Variants in HNRNPAB observed in about 807,000 individuals in gnomAD.
The protein encoded by HNRNPAB is heterogeneous nuclear ribonucleoprotein A/B.
Under a neutral mutation model 44.1 loss-of-function variants are expected in HNRNPAB, and 17 were observed. The ratio of observed to expected loss-of-function variants is 0.39; its 90% CI spans 0.26 to 0.58. The LOEUF is 0.58. HNRNPAB is among the 20% of genes least tolerant of loss of function. The pLI is 0.63. For synonymous variants in HNRNPAB, 183 were observed against 167.6 expected (o/e 1.09, Z -0.71); for missense variants, 393 against 432.7 (o/e 0.91, Z 0.81).
In HNRNPAB at chr5:178,207,691, C is replaced by CT. The variant is rs34424574; in HGVS notation, c.669+490dup. Among the ~76,000 whole-genome samples, 41 of 78,764 alleles carry CT rather than the reference C, an allele frequency of 5.2e-4. 1 individual carries two copies. The highest frequency in any genetic ancestry group is 1.4e-3 in the African/African-American group (26 of 18,736). 51.7% of individuals were successfully genotyped at this position (78,764 alleles called of 152,430 possible). A position where few individuals can be genotyped will look rare whatever the true frequency, so the allele number is the denominator to read the frequency against. On this transcript the variant is annotated intron_variant, in intron 5 of 7. Transcript: ENST00000358344. ...TGTCCACTTCCATCCACTTTGAGCACTTTTTTTTTTTTTTTTTTTTTTTTG... is the reference window on the plus strand; with the variant it reads ...TGTCCACTTCCATCCACTTTGAGCACTTTTTTTTTTTTTTTTTTTTTTTTTG...
In HNRNPAB at chr5:178,204,655, C is replaced by T. The variant is rs562226717; in HGVS notation, c.-109C>T. 6.0e-3 allele frequency: 1,834 copies of T among 305,276 alleles called. 27 individuals are homozygous for T. Among genetic ancestry groups the T allele is most frequent in the Non-Finnish European group, 5.6e-3 (936 of 168,406 alleles). The allele number at this position is 305,276 out of a possible 1,614,324, so 18.9% of individuals were successfully genotyped here. On this transcript the variant is annotated 5_prime_UTR_variant, in exon 1 of 8. Coordinates refer to ENST00000358344, the MANE Select transcript of HNRNPAB (RefSeq NM_031266.3). ...TGGGCTGACTGGGGCGAGGCCTCAG[C>T]AGCGCGAGCTTGAGTGCGGCCGAGC...
rs1369815614 is a variant in HNRNPAB at position 178,210,941 on chromosome 5, G to C, written c.*318G>C. The C allele has an allele frequency of 2.8e-6, 1 of 358,142 alleles. No individual in the cohort carries two copies. The allele number at this position is 358,142 out of a possible 1,614,324, so 22.2% of individuals were successfully genotyped here. A position where few individuals can be genotyped will look rare whatever the true frequency, so the allele number is the denominator to read the frequency against. On this transcript the variant is annotated 3_prime_UTR_variant, in exon 8 of 8. Transcript: ENST00000358344. ...GACCTGTGGACCCTGGTTGTAAAGA[G>C]TAAATTGTATCTTAGGAAACCAGTG...
rs778624895 is a variant in HNRNPAB, at chr5:178,209,425, C to T, written c.765C>T (p.Ser255=). ...RGNRNRGNRG[S]GGGGGGGGQS... Reference sequence around the variant, plus strand: ...ACCGCAACCGAGGGAACCGAGGCAGCGGAGGTGGTGGTGGAGGTGGAGGTG... The same window carrying T: ...ACCGCAACCGAGGGAACCGAGGCAGTGGAGGTGGTGGTGGAGGTGGAGGTG... Residue 255 remains serine, a synonymous_variant, in exon 6 of 8, where the codon AGC becomes AGT. Coordinates refer to ENST00000358344, the MANE Select transcript of HNRNPAB (RefSeq NM_031266.3). 92 of 1,613,896 alleles carry T rather than the reference C, an allele frequency of 5.7e-5. No individual in the cohort carries two copies. Among genetic ancestry groups the T allele is most frequent in the East Asian group, 1.1e-4 (5 of 44,886 alleles).
intron 6 of HNRNPAB, 65 bp from the exon 7 acceptor site, chr5:178,210,067 C>A: frequency 6.3e-7 from 1 of 1,585,886 alleles, no homozygotes; most frequent in Non-Finnish European, 8.6e-7. Context: ...GGCAGGATTT[C>A]CTCCATCCTA....
intron 6 of HNRNPAB, among the ~76,000 whole-genome samples, 179 bp from the exon 7 acceptor site, chr5:178,209,953 C>T (rs1020398728): frequency 1.3e-5 from 2 of 149,706 alleles, no homozygotes; most frequent in Non-Finnish European, 3.0e-5. Flanking sequence ...TGATCCTCTG[C>T]TTGGGTCTCT....
chr5:178,208,481 G>A (rs1226134831), intron 5 of HNRNPAB: 2 of 152,196 alleles, frequency 1.3e-5, no homozygotes, highest in African/African-American at 2.4e-5. Context: ...TGAGTCTTAG[G>A]AGTAAGTATA....
chr5:178,209,190 T>A, intron 5 of HNRNPAB, 140 bp from the exon 6 acceptor site: 1 of 722,306 alleles, frequency 1.4e-6, no homozygotes, highest in Non-Finnish European at 2.5e-6. Context: ...AGCCCAAAGG[T>A]GGCCTCCCAT....
At chr5:178,210,439 G>A in intron 7 of HNRNPAB, 114 bp from the exon 8 acceptor site, 4 of 1,510,458 alleles carry the variant, frequency 2.6e-6, no homozygotes, top group South Asian at 1.1e-5. Flanking sequence ...ATAACATGAG[G>A]AAGGCAGTCT....
Position 178,204,941 on chromosome 5 carries a change from G to C in HNRNPAB, c.104G>C (p.Gly35Ala). 2 of 1,210,462 alleles carry C rather than the reference G, an allele frequency of 1.7e-6. No individual in the cohort carries two copies. The highest frequency in any genetic ancestry group is 2.1e-6 in the Non-Finnish European group (2 of 974,274). The allele number at this position is 1,210,462 out of a possible 1,614,324, so 75.0% of individuals were successfully genotyped here. ...EGESPAGAGT[G>A]AAAGAGGATA... is the part of the protein sequence containing the mutation. ...GAGTCGCCGGCCGGGGCTGGCACGGGCGCCGCGGCGGGGGCTGGAGGCGCG... is the reference window on the plus strand; with the variant it reads ...GAGTCGCCGGCCGGGGCTGGCACGGCCGCCGCGGCGGGGGCTGGAGGCGCG... Residue 35 changes from glycine (G) to alanine (A), a missense_variant, in exon 2 of 8, where the codon GGC (glycine) becomes GCC (alanine). Gly to Ala is a moderately conservative substitution (Grantham distance 60). This residue lies in a region of HNRNPAB where 81 missense variants were observed against 73.4 expected (regional missense o/e 1.10). Transcript: ENST00000358344.
At chr5:178,206,684 G>A in intron 3 of HNRNPAB, 48 bp from the exon 4 acceptor site, 2 of 1,589,560 alleles carry the variant, frequency 1.3e-6, no homozygotes, top group East Asian at 2.2e-5. Flanking sequence ...GAAGGGCCTT[G>A]TCTGGCTCGT....
At chr5:178,205,639 C>A (rs934445198) in intron 2 of HNRNPAB, 5 of 551,814 alleles carry the variant, frequency 9.1e-6, no homozygotes, top group African/African-American at 7.5e-5. Flanking sequence ...CAGGCTGGGG[C>A]TGCAGAGCCT....
chr5:178,207,873 G>A (rs1276922822), intron 5 of HNRNPAB, among the ~76,000 whole-genome samples: 5 of 151,792 alleles, frequency 3.3e-5, no homozygotes, highest in Non-Finnish European at 7.4e-5. Context: ...TGGCTCATAT[G>A]TTTTTTTAAA....
At chr5:178,210,461 G>T (rs77755079) in intron 7 of HNRNPAB, 92 bp from the exon 8 acceptor site, 32 of 1,492,488 alleles carry the variant, frequency 2.1e-5, no homozygotes, top group Middle Eastern at 1.7e-4. Context: ...TGCTGTCACG[G>T]CTGGTGAGGG....
chr5:178,207,284 G>A lies in HNRNPAB; in HGVS notation c.669+59G>A, dbSNP rs1757109462. 2.5e-6 allele frequency: 4 copies of A among 1,600,984 alleles called. No individual in the cohort carries two copies. In the East Asian group the frequency reaches 8.9e-5, roughly 36 times the overall value. Reference sequence around the variant, plus strand: ...GCTGCTGGAGAGCTGGCCCTTAGAGGGATGGGTTAGGGGTTGGGCCTCATG... The same window carrying A: ...GCTGCTGGAGAGCTGGCCCTTAGAGAGATGGGTTAGGGGTTGGGCCTCATG... On this transcript the variant is annotated intron_variant, in intron 5 of 7. Coordinates refer to ENST00000358344, the MANE Select transcript of HNRNPAB (RefSeq NM_031266.3).
At position 178,205,316 on chromosome 5, in the gene HNRNPAB, G is replaced by GCGGATGGC. The variant is rs1316831582; in HGVS notation, c.209+272_209+279dup. Among the ~76,000 whole-genome samples, 15 of 151,694 alleles carry GCGGATGGC rather than the reference G, an allele frequency of 9.9e-5. No homozygotes were observed. The East Asian group carries it at 2.7e-3, about 28-fold the overall frequency. On this transcript the variant is annotated intron_variant, in intron 2 of 7. Transcript: ENST00000358344. ...AGGGCCGGAGCCGGCGCAGGGGCGG[G>GCGGATGGC]CGGATGGCCCGGAAGAGGGAAAGCG... is the stretch of plus-strand genomic sequence containing the variant.
chr5:178,209,425 C>A lies in HNRNPAB; in HGVS notation c.765C>A (p.Ser255Arg). 1 of 1,614,014 alleles carries A rather than the reference C, an allele frequency of 6.2e-7. No individual in the cohort carries two copies. Among genetic ancestry groups the A allele is most frequent in the Non-Finnish European group, 8.5e-7 (1 of 1,179,954 alleles). Residue 255 changes from serine (S) to arginine (R), a missense_variant, in exon 6 of 8, where the codon AGC becomes AGA. By Grantham distance (110) the Ser-to-Arg change is moderately radical (BLOSUM62 -1). Coordinates refer to ENST00000358344, the MANE Select transcript of HNRNPAB (RefSeq NM_031266.3). Reference sequence around the variant, plus strand: ...ACCGCAACCGAGGGAACCGAGGCAGCGGAGGTGGTGGTGGAGGTGGAGGTG... The same window carrying A: ...ACCGCAACCGAGGGAACCGAGGCAGAGGAGGTGGTGGTGGAGGTGGAGGTG... ...RGNRNRGNRG[S>R]GGGGGGGGQS...
intron 5 of HNRNPAB, 26 bp downstream of exon 5, chr5:178,207,251 C>G: frequency 6.2e-7 from 1 of 1,612,380 alleles, no homozygotes. Context: ...CTCTGCTTGG[C>G]CTCCTGTGCT....
At chr5:178,208,195 G>C (rs1372365594) in intron 5 of HNRNPAB, among the ~76,000 whole-genome samples, 1 of 152,162 alleles carries the variant, frequency 6.6e-6, no homozygotes, top group Non-Finnish European at 1.5e-5. Flanking sequence ...GCCTGCAGTG[G>C]CAGGGTGTGG....
chr5:178,209,899 T>C (rs542241980), intron 6 of HNRNPAB, among the ~76,000 whole-genome samples: 11 of 151,992 alleles, frequency 7.2e-5, no homozygotes, highest in South Asian at 2.1e-4. Flanking sequence ...ACTGAGTGAG[T>C]GAGCTGCCTT....
Sources: gnomAD v4.1 joint callset for allele counts (sites outside exome capture counted in the v4.1 genomes callset) on GRCh38, gnomAD v4.1.1 for gene constraint, gnomAD v4.1.1 regional missense constraint, MANE v1.5 for transcripts, NCBI Gene and HGNC (gene_info 2026-07-23, HGNC 2026-07-21) for gene names.